The following ITPR1 variants were observed in gnomAD, a reference collection of about 807,000 sequenced individuals.
The protein encoded by ITPR1 is inositol 1,4,5-trisphosphate-gated calcium channel ITPR1.
A neutral mutation model predicts 318.4 loss-of-function variants in ITPR1; 96 were observed. The ratio of observed to expected loss-of-function variants is 0.30; its 90% CI spans 0.26 to 0.36. ITPR1 has a LOEUF of 0.36. Ranked by LOEUF, ITPR1 falls within the 10% of genes least tolerant of loss-of-function variation. The probability of loss-of-function intolerance (pLI) is 1.00; values close to 1 mark genes in which losing one functional copy is unlikely to be tolerated. For missense variants in ITPR1, 2,440 were observed against 3,460.2 expected, an observed-to-expected ratio of 0.71 and a Z score of 7.40; for synonymous variants, 1,312 against 1,289.9, an observed-to-expected ratio of 1.02 and a Z score of -0.37.
intron 14 of ITPR1, among the ~76,000 whole-genome samples, chr3:4,661,307 A>G (rs1236276343): frequency 6.6e-6 from 1 of 152,174 alleles, no homozygotes; most frequent in Non-Finnish European, 1.5e-5. Flanking sequence ...ATTTTATTCC[A>G]TGGCTTCTGC....
chr3:4,546,511 T>A (rs1433894100), intron 4 of ITPR1, among the ~76,000 whole-genome samples: 1 of 152,178 alleles, frequency 6.6e-6, no homozygotes, highest in Non-Finnish European at 1.5e-5. Flanking sequence ...AGTTCTTGCC[T>A]CAGACAGAGC....
At chr3:4,624,497 C>T (rs1196741200) in intron 4 of ITPR1, among the ~76,000 whole-genome samples, 1 of 151,776 alleles carries the variant, frequency 6.6e-6, no homozygotes. Context: ...GGTGAAACCC[C>T]ATCTCTACTA....
intron 4 of ITPR1, among the ~76,000 whole-genome samples, chr3:4,556,242 C>T (rs1329769451): frequency 6.6e-6 from 1 of 152,164 alleles, no homozygotes; most frequent in Non-Finnish European, 1.5e-5. Flanking sequence ...CACAGCCTCT[C>T]TCTCTAGTAA....
intron 4 of ITPR1, among the ~76,000 whole-genome samples, chr3:4,546,871 A>G (rs566480163): frequency 6.7e-6 from 1 of 148,452 alleles, no homozygotes; most frequent in Admixed American, 6.9e-5. Context: ...GGCTCATAAG[A>G]TAGGACCAGG....
At chr3:4,634,343 C>T (rs2093112142) in intron 5 of ITPR1, among the ~76,000 whole-genome samples, 1 of 152,020 alleles carries the variant, frequency 6.6e-6, no homozygotes, top group Admixed American at 6.6e-5. Context: ...TGCCCAGTAG[C>T]TGGGACCACA....
intron 4 of ITPR1, among the ~76,000 whole-genome samples, chr3:4,584,075 C>T (rs1239853981): frequency 6.6e-6 from 1 of 152,134 alleles, no homozygotes; most frequent in Non-Finnish European, 1.5e-5. Flanking sequence ...TTTTTCCTAT[C>T]CCTTATAAGA....
At chr3:4,675,867 G>T (rs899841997) in intron 23 of ITPR1, among the ~76,000 whole-genome samples, 1 of 152,142 alleles carries the variant, frequency 6.6e-6, no homozygotes, top group African/African-American at 2.4e-5. Context: ...GTCTTGTGCT[G>T]AGTCATGTTG....
In ITPR1 at chr3:4,779,535, TG is replaced by T. The variant is rs770050601; in HGVS notation, c.6292-14del. ...AGCCCCTCTACATTTCCTCTCCCTT[TG>T]TTTCTCCAACTAGAACAATGCCTCG... On this transcript the variant is annotated splice_polypyrimidine_tract_variant and intron_variant, in intron 48 of 61. Coordinates refer to ENST00000649015, the MANE Select transcript of ITPR1 (RefSeq NM_001378452.1). This position sits in a 1 kb window ranked among gnomAD's most constrained non-coding sequence, Gnocchi z 4.0. 1 of 1,605,150 alleles carries T rather than the reference TG, an allele frequency of 6.2e-7. No individual in the cohort carries two copies. Among genetic ancestry groups the T allele is most frequent in the Non-Finnish European group, 8.5e-7 (1 of 1,172,746 alleles).
intron 24 of ITPR1, 117 bp from the exon 25 acceptor site, chr3:4,680,436 G>A (rs1054316762): frequency 4.7e-6 from 4 of 853,536 alleles, no homozygotes; most frequent in Non-Finnish European, 7.5e-6. Flanking sequence ...GGCTCACTTA[G>A]TGCTTAAGGT....
chr3:4,722,076 G>A lies in ITPR1; in HGVS notation c.5137-3470G>A, dbSNP rs919626656. The stretch of plus-strand genomic sequence containing the variant: ...ACCCAAGGTACCATAATGAGGGCCT[G>A]ATTCGTGGCCTCATCCAGGAAGGAC... On this transcript the variant is annotated intron_variant, in intron 40 of 61. Coordinates refer to ENST00000649015, the MANE Select transcript of ITPR1 (RefSeq NM_001378452.1). 1.3e-5 allele frequency among the ~76,000 whole-genome samples: 2 copies of A among 152,230 alleles called. 1 individual carries two copies. The highest frequency in any genetic ancestry group is 4.8e-5 in the African/African-American group (2 of 41,450).
At chr3:4,672,191 G>A (rs1029907131) in intron 20 of ITPR1, among the ~76,000 whole-genome samples, 1 of 152,202 alleles carries the variant, frequency 6.6e-6, no homozygotes, top group African/African-American at 2.4e-5. Context: ...GGTGGGCTTG[G>A]AGGATATTCA....
intron 60 of ITPR1, among the ~76,000 whole-genome samples, chr3:4,830,045 C>G (rs1037569206): frequency 2.0e-4 from 28 of 140,844 alleles, no homozygotes; most frequent in African/African-American, 6.9e-4. Context: ...ACCATCTCGG[C>G]TCACTGCAAC....
At chr3:4,494,773 A>C (rs1436956521) in intron 2 of ITPR1, among the ~76,000 whole-genome samples, 5 of 152,174 alleles carry the variant, frequency 3.3e-5, no homozygotes. Flanking sequence ...TGGAGCAATA[A>C]AACGGCGGCC....
chr3:4,689,725 T>C (rs1019768528), intron 31 of ITPR1, among the ~76,000 whole-genome samples: 3 of 152,280 alleles, frequency 2.0e-5, no homozygotes, highest in African/African-American at 7.2e-5. Context: ...AAATAAGCCT[T>C]CTAGAAGGTA....
intron 44 of ITPR1, among the ~76,000 whole-genome samples, chr3:4,744,744 T>A (rs4684441): frequency 0.7 from 106,757 of 152,092 alleles, 37,734 homozygotes; most frequent in East Asian, 0.93. Flanking sequence ...GTGCTCCTCA[T>A]CCCCTGGTAT....
intron 4 of ITPR1, among the ~76,000 whole-genome samples, chr3:4,598,938 C>A (rs1468678043): frequency 6.6e-6 from 1 of 152,010 alleles, no homozygotes; most frequent in Admixed American, 6.6e-5. Context: ...CTCTTTTGTA[C>A]AGTGTGGCTT....
intron 47 of ITPR1, 148 bp downstream of exon 47, chr3:4,775,590 G>A (rs2046434217): frequency 3.2e-6 from 2 of 634,596 alleles, no homozygotes; most frequent in Admixed American, 2.9e-5. Context: ...TTGAGAAATA[G>A]CCATGGTGTT....
intron 4 of ITPR1, among the ~76,000 whole-genome samples, chr3:4,550,746 G>T (rs1322115722): frequency 6.6e-6 from 1 of 152,120 alleles, no homozygotes; most frequent in African/African-American, 2.4e-5. Context: ...GAGGCATAGT[G>T]GTACACACAT....
chr3:4,822,982 A>C (rs1469450460), intron 60 of ITPR1, among the ~76,000 whole-genome samples: 1 of 152,182 alleles, frequency 6.6e-6, no homozygotes, highest in Non-Finnish European at 1.5e-5. Context: ...GCAAATTTTT[A>C]TTAACCTTGA....
Sources: gnomAD v4.1 joint callset for allele counts (sites outside exome capture counted in the v4.1 genomes callset) on GRCh38, gnomAD v4.1.1 for gene constraint, Gnocchi (gnomAD v3.1) non-coding constraint, MANE v1.5 for transcripts, NCBI Gene and HGNC (gene_info 2026-07-23, HGNC 2026-07-21) for gene names.